FNDC3B: variants seen among roughly 807,000 people sequenced by gnomAD.
FNDC3B encodes fibronectin type III domain-containing protein 3B.
FNDC3B carries 12 observed loss-of-function variants against 151.5 expected under a neutral mutation model. The ratio of observed to expected loss-of-function variants is 0.08; its 90% CI spans 0.05 to 0.13. FNDC3B has a LOEUF of 0.13. Among genes scored for constraint, FNDC3B ranks in the 10% least tolerant of loss-of-function variants. FNDC3B has a pLI of 1.00. For missense variants in FNDC3B, 1,214 were observed against 1,505.3 expected (o/e 0.81, Z 3.20); for synonymous variants, 528 against 549.0 (o/e 0.96, Z 0.54).
chr3:172,122,078 G>A (rs556357410), intron 2 of FNDC3B, among the ~76,000 whole-genome samples: 6 of 152,206 alleles, frequency 3.9e-5, no homozygotes, highest in Non-Finnish European at 7.3e-5. Flanking sequence ...GTGTTAAGAC[G>A]AGACACTTCT....
At chr3:172,075,528 G>T (rs1717963853) in intron 1 of FNDC3B, among the ~76,000 whole-genome samples, 1 of 151,998 alleles carries the variant, frequency 6.6e-6, no homozygotes, top group African/African-American at 2.4e-5. Flanking sequence ...TCTAAAAGCT[G>T]AAGGCTCCTT....
At chr3:172,119,192 AG>A (rs376716262) in intron 2 of FNDC3B, among the ~76,000 whole-genome samples, 2 of 150,032 alleles carry the variant, frequency 1.3e-5, no homozygotes, top group East Asian at 2.0e-4. Context: ...AAAAAAAAAA[AG>A]AATGAGAGGA....
chr3:172,286,463 A>G (rs1730024055), intron 7 of FNDC3B, among the ~76,000 whole-genome samples: 1 of 152,168 alleles, frequency 6.6e-6, no homozygotes, highest in South Asian at 2.1e-4. Context: ...TGAGGTTTTG[A>G]TTTTGCCAGG....
intron 9 of FNDC3B, among the ~76,000 whole-genome samples, chr3:172,301,478 T>C (rs985021191): frequency 6.6e-6 from 1 of 152,256 alleles, no homozygotes; most frequent in Non-Finnish European, 1.5e-5. Flanking sequence ...AGCAGTCACC[T>C]ATAAGGCCTC....
At chr3:172,244,958 A>G (rs1201699724) in intron 4 of FNDC3B, among the ~76,000 whole-genome samples, 1 of 152,158 alleles carries the variant, frequency 6.6e-6, no homozygotes, top group Non-Finnish European at 1.5e-5. Context: ...AATCTTTTTA[A>G]TGATAAGACA....
At chr3:172,174,942 C>CCCCCCCCCCCCCCA (rs1553769237) in intron 3 of FNDC3B, among the ~76,000 whole-genome samples, 1 of 66,382 alleles carries the variant, frequency 1.5e-5, no homozygotes, top group Admixed American at 1.4e-4. Context: ...CACCCCCCCC[C>CCCCCCCCCCCCCCA]CCCCAATACA....
At chr3:172,309,752 T>A (rs945179185) in intron 10 of FNDC3B, among the ~76,000 whole-genome samples, 6 of 152,186 alleles carry the variant, frequency 3.9e-5, no homozygotes, top group Non-Finnish European at 8.8e-5. Context: ...GTTTACTGAG[T>A]GCTTCCTATA....
At chr3:172,074,852 G>A (rs1182881321) in intron 1 of FNDC3B, among the ~76,000 whole-genome samples, 1 of 152,126 alleles carries the variant, frequency 6.6e-6, no homozygotes, top group East Asian at 1.9e-4. Flanking sequence ...GTCATCCAGT[G>A]TCAAACTATC....
At chr3:172,344,329 G>T in intron 19 of FNDC3B, 71 bp downstream of exon 19, 1 of 1,407,094 alleles carries the variant, frequency 7.1e-7, no homozygotes, top group Non-Finnish European at 9.6e-7. Flanking sequence ...TAGCACTTCT[G>T]TCTCTAGCCT....
At chr3:172,084,445 G>A (rs889365390) in intron 1 of FNDC3B, among the ~76,000 whole-genome samples, 1 of 114,654 alleles carries the variant, frequency 8.7e-6, no homozygotes, top group Admixed American at 9.4e-5. Flanking sequence ...GTGAGACCTT[G>A]TCTCAAAAAA....
rs1323430505 is a variant in FNDC3B at position 172,128,019 on chromosome 3, G to A, written c.112-5452G>A. The stretch of plus-strand genomic sequence containing the variant: ...AAACAGTATTAAAACTTTTGGAGTA[G>A]TGGATATTCTTGCTCCTTATTTTGC... On this transcript the variant is annotated intron_variant, in intron 2 of 25. Coordinates refer to ENST00000415807, the MANE Select transcript of FNDC3B (RefSeq NM_022763.4). Among the ~76,000 whole-genome samples, 10 of 152,204 alleles carry A rather than the reference G, an allele frequency of 6.6e-5. No individual in the cohort carries two copies. In the South Asian group the frequency reaches 2.1e-3, roughly 32 times the overall value.
chr3:172,325,346 G>A (rs1037236753), intron 11 of FNDC3B, among the ~76,000 whole-genome samples: 2 of 152,196 alleles, frequency 1.3e-5, no homozygotes, highest in Non-Finnish European at 2.9e-5. Context: ...GAGCCACACA[G>A]CATATAAAAT....
At chr3:172,247,885 T>A in intron 5 of FNDC3B, 109 bp downstream of exon 5, 1 of 1,270,190 alleles carries the variant, frequency 7.9e-7, no homozygotes, top group Non-Finnish European at 1.1e-6. Flanking sequence ...GAAAAGGATC[T>A]AGGTGGTTTG....
intron 6 of FNDC3B, among the ~76,000 whole-genome samples, chr3:172,276,430 G>C (rs906131641): frequency 6.6e-6 from 1 of 152,096 alleles, no homozygotes; most frequent in African/African-American, 2.4e-5. Flanking sequence ...AAGAATCTGG[G>C]TTCAAGATAC....
chr3:172,111,286 G>T (rs947396918), intron 1 of FNDC3B, among the ~76,000 whole-genome samples: 2 of 152,076 alleles, frequency 1.3e-5, no homozygotes, highest in Non-Finnish European at 1.5e-5. Context: ...TGTCAACAGG[G>T]ATTATCTTAA....
At chr3:172,071,841 C>T (rs545760350) in intron 1 of FNDC3B, among the ~76,000 whole-genome samples, 2 of 152,056 alleles carry the variant, frequency 1.3e-5, no homozygotes, top group African/African-American at 4.8e-5. Flanking sequence ...GTCATTTTCT[C>T]ATTACCATGG....
At chr3:172,397,024 G>T in intron 25 of FNDC3B, 140 bp from the exon 26 acceptor site, 1 of 644,414 alleles carries the variant, frequency 1.6e-6, no homozygotes, top group Non-Finnish European at 2.6e-6. Context: ...ATTGAGAGAA[G>T]TACATTTTTA....
At chr3:172,257,549 T>G (rs1431961288) in intron 6 of FNDC3B, among the ~76,000 whole-genome samples, 2 of 145,904 alleles carry the variant, frequency 1.4e-5, no homozygotes, top group Non-Finnish European at 3.0e-5. Context: ...CCTTCACCCC[T>G]ACCACATCAC....
intron 1 of FNDC3B, among the ~76,000 whole-genome samples, chr3:172,062,969 A>G (rs1299792225): frequency 2.0e-5 from 3 of 152,210 alleles, no homozygotes; most frequent in African/African-American, 7.2e-5. Context: ...CTTTGAAGGA[A>G]GTGAAATTGG....
Sources: allele counts gnomAD v4.1 joint callset (sites outside exome capture counted in the v4.1 genomes callset), GRCh38; gene constraint gnomAD v4.1.1; transcripts MANE v1.5; gene names NCBI Gene and HGNC (gene_info 2026-07-23, HGNC 2026-07-21).